HAPLN1: variants seen among roughly 807,000 people sequenced by gnomAD.
The protein encoded by HAPLN1 is Cartilage link protein.
Under a neutral mutation model 36.5 loss-of-function variants are expected in HAPLN1, and 13 were observed. The observed-to-expected ratio is 0.36, with a 90% CI of 0.23 to 0.57. The LOEUF (loss-of-function observed/expected upper bound fraction) is 0.57. Ranked by LOEUF, HAPLN1 falls within the 20% of genes least tolerant of loss-of-function variation. The probability of loss-of-function intolerance (pLI) is 0.83; values close to 1 mark genes in which losing one functional copy is unlikely to be tolerated. For missense variants in HAPLN1, 407 were observed against 439.7 expected, an observed-to-expected ratio of 0.93 and a Z score of 0.66; for synonymous variants, 202 against 169.8, an observed-to-expected ratio of 1.19 and a Z score of -1.48.
At chr5:83,658,621 C>G (rs1750288223) in intron 2 of HAPLN1, among the ~76,000 whole-genome samples, 1 of 152,092 alleles carries the variant, frequency 6.6e-6, no homozygotes, top group Admixed American at 6.5e-5. Context: ...ACTTATTAAC[C>G]TTTAACTTTA....
chr5:83,696,824 C>T (rs989434161), intron 1 of HAPLN1, among the ~76,000 whole-genome samples: 7 of 152,086 alleles, frequency 4.6e-5, no homozygotes, highest in Admixed American at 3.9e-4. Flanking sequence ...TACATTTCTC[C>T]TTTTGTGAAT....
At chr5:83,678,480 G>A (rs547585056) in intron 1 of HAPLN1, among the ~76,000 whole-genome samples, 38 of 152,212 alleles carry the variant, frequency 2.5e-4, no homozygotes, top group South Asian at 6.2e-4. Context: ...ATGATTTGCC[G>A]TGGTTTATTT....
At chr5:83,651,989 AC>A (rs1750075388) in intron 3 of HAPLN1, 1 of 156,920 alleles carries the variant, frequency 6.4e-6, no homozygotes, top group South Asian at 2.1e-4. Flanking sequence ...GCTAGAGATT[AC>A]TTTTTTGTTG....
chr5:83,693,878 C>T (rs545957813), intron 1 of HAPLN1, among the ~76,000 whole-genome samples: 7 of 151,780 alleles, frequency 4.6e-5, no homozygotes, highest in Non-Finnish European at 1.0e-4. Context: ...CCTTTATCAA[C>T]AATTGATGGA....
intron 1 of HAPLN1, among the ~76,000 whole-genome samples, chr5:83,718,816 G>A (rs1751965835): frequency 6.6e-6 from 1 of 152,086 alleles, no homozygotes; most frequent in African/African-American, 2.4e-5. Context: ...TGTGCATGGG[G>A]CAAAAAGAAA....
In HAPLN1 at chr5:83,662,711, A is replaced by G. The variant is rs116368947; in HGVS notation, c.101-9887T>C. The stretch of plus-strand genomic sequence containing the variant: ...CTTCATTAGGCTGTAATTATCTACC[A>G]CTCCTTAATTGTTGGAAATGTGCCT... On this transcript the variant is annotated intron_variant, in intron 2 of 4. Transcript: ENST00000274341. 7.2e-3 allele frequency among the ~76,000 whole-genome samples: 1,101 copies of G among 152,208 alleles called. 8 individuals carry two copies. Among genetic ancestry groups the G allele is most frequent in the African/African-American group, 0.025 (1,027 of 41,514 alleles).
chr5:83,684,558 A>G (rs1313171736), intron 1 of HAPLN1, among the ~76,000 whole-genome samples: 1 of 152,118 alleles, frequency 6.6e-6, no homozygotes, highest in Non-Finnish European at 1.5e-5. Context: ...AGCTGGGCTG[A>G]AAGACAAACA....
In HAPLN1 at chr5:83,641,597, T is replaced by G; in HGVS notation, c.964A>C (p.Arg322=). The G allele has an allele frequency of 6.2e-7, 1 of 1,614,200 alleles. No individual in the cohort carries two copies. Among genetic ancestry groups the G allele is most frequent in the Non-Finnish European group, 8.5e-7 (1 of 1,180,042 alleles). The change falls in exon 5 of 5, where the codon AGA becomes CGA. Residue 322 remains arginine, a synonymous_variant. Transcript: ENST00000274341. ...GCCTCAGTAGGACTGCAGCGCCTTC[T>G]TGGCCTAGAGATGGGGTAGCGGACG... ...GSVRYPISRP[R]RRCSPTEAAV...
At chr5:83,643,516 G>C (rs1316455708) in intron 4 of HAPLN1, among the ~76,000 whole-genome samples, 4 of 152,082 alleles carry the variant, frequency 2.6e-5, no homozygotes, top group African/African-American at 9.7e-5. Flanking sequence ...CACGGAGAAG[G>C]GCTCTGCATT....
rs566205441 is a variant in HAPLN1, at chr5:83,671,339, T to C, written c.100+2085A>G. Among the ~76,000 whole-genome samples, 7 of 152,328 alleles carry C rather than the reference T, an allele frequency of 4.6e-5. No individual in the cohort carries two copies. The South Asian group carries it at 1.5e-3, about 32-fold the overall frequency. Reference sequence around the variant, plus strand: ...CACTAACAGAAGCTCATACTGCTTATCAGTACCATTCAAGAATCTGAGATT... The same window carrying C: ...CACTAACAGAAGCTCATACTGCTTACCAGTACCATTCAAGAATCTGAGATT... On this transcript the variant is annotated intron_variant, in intron 2 of 4. Coordinates refer to ENST00000274341, the MANE Select transcript of HAPLN1 (RefSeq NM_001884.4).
intron 3 of HAPLN1, among the ~76,000 whole-genome samples, chr5:83,648,777 T>C (rs879710558): frequency 1.3e-5 from 2 of 152,052 alleles, no homozygotes; most frequent in Non-Finnish European, 2.9e-5. Context: ...TGTAAGGATG[T>C]CATTGATAAT....
intron 1 of HAPLN1, among the ~76,000 whole-genome samples, chr5:83,689,111 T>C (rs1344123375): frequency 6.6e-6 from 1 of 152,142 alleles, no homozygotes; most frequent in Non-Finnish European, 1.5e-5. Context: ...ATTTACTCAG[T>C]CCATTGACCA....
intron 1 of HAPLN1, among the ~76,000 whole-genome samples, chr5:83,680,856 C>A (rs989504823): frequency 2.6e-5 from 4 of 152,064 alleles, no homozygotes; most frequent in African/African-American, 9.7e-5. Context: ...AATAAAATCA[C>A]CTCATGAACA....
At chr5:83,714,664 A>G (rs760235897) in intron 1 of HAPLN1, among the ~76,000 whole-genome samples, 1 of 152,172 alleles carries the variant, frequency 6.6e-6, no homozygotes, top group African/African-American at 2.4e-5. Context: ...TGCTTCTCCT[A>G]TGCATATTCC....
chr5:83,642,462 A>G (rs943062360), intron 4 of HAPLN1, among the ~76,000 whole-genome samples: 2 of 152,132 alleles, frequency 1.3e-5, no homozygotes, highest in African/African-American at 2.4e-5. Flanking sequence ...CTATTTCTCA[A>G]TTTCACTAGG....
intron 1 of HAPLN1, among the ~76,000 whole-genome samples, chr5:83,684,296 G>A (rs185961914): frequency 1.3e-5 from 2 of 152,176 alleles, no homozygotes; most frequent in South Asian, 4.2e-4. Flanking sequence ...CCTTACACCA[G>A]GCAAGTAGAA....
At chr5:83,644,287 T>G (rs1749786316) in intron 4 of HAPLN1, 76 bp downstream of exon 4, 1 of 1,129,118 alleles carries the variant, frequency 8.9e-7, no homozygotes, top group Admixed American at 3.1e-5. Context: ...GAAGATAAGA[T>G]TAAAAGCCAA....
rs753216300 is a variant in HAPLN1, at chr5:83,639,708, AC to A, written c.*1787del. The stretch of plus-strand genomic sequence containing the variant: ...CAGTGTTTGAGTTTAAACTTTACAA[AC>A]TCTTTGGATTTATAGTTTTGTACAG... On this transcript the variant is annotated 3_prime_UTR_variant, in exon 5 of 5. Transcript: ENST00000274341. 3 of 151,924 alleles carry A rather than the reference AC, an allele frequency of 2.0e-5. No homozygotes were observed. The highest frequency in any genetic ancestry group is 1.3e-4 in the Admixed American group (2 of 15,252). 9.4% of individuals were successfully genotyped at this position (151,924 alleles called of 1,614,324 possible). A position where few individuals can be genotyped will look rare whatever the true frequency, so the allele number is the denominator to read the frequency against.
intron 2 of HAPLN1, among the ~76,000 whole-genome samples, chr5:83,672,045 A>C (rs1030868690): frequency 1.3e-5 from 2 of 152,198 alleles, no homozygotes; most frequent in Admixed American, 1.3e-4. Flanking sequence ...ATGTTAGTAC[A>C]TTTTTAAAAC....
Sources: gnomAD v4.1 joint callset for allele counts (sites outside exome capture counted in the v4.1 genomes callset) on GRCh38, gnomAD v4.1.1 for gene constraint, MANE v1.5 for transcripts, NCBI Gene and HGNC (gene_info 2026-07-23, HGNC 2026-07-21) for gene names.